Variants in PIP4K2A observed in about 807,000 individuals in gnomAD.
PIP4K2A encodes the protein phosphatidylinositol-5-phosphate 4-kinase type 2 alpha.
Under a neutral mutation model 42.9 loss-of-function variants are expected in PIP4K2A, and 14 were observed. The observed-to-expected ratio is 0.33, with a 90% CI of 0.22 to 0.51. PIP4K2A has a LOEUF of 0.51. Ranked by LOEUF, PIP4K2A falls within the 20% of genes least tolerant of loss-of-function variation. PIP4K2A has a pLI of 0.97. For synonymous variants in PIP4K2A, 192 were observed against 192.2 expected (o/e 1.00, Z 0.01); for missense variants, 434 against 519.8 (o/e 0.83, Z 1.61).
intron 4 of PIP4K2A, among the ~76,000 whole-genome samples, chr10:22,585,406 G>GT (rs1449932234): frequency 7.2e-5 from 11 of 152,140 alleles, no homozygotes; most frequent in Non-Finnish European, 1.6e-4. Flanking sequence ...AATTTAAGTC[G>GT]TTTTTTATCA....
intron 1 of PIP4K2A, among the ~76,000 whole-genome samples, chr10:22,700,887 G>C (rs879328402): frequency 6.6e-6 from 1 of 152,088 alleles, no homozygotes; most frequent in Non-Finnish European, 1.5e-5. Flanking sequence ...ACAAACAAAA[G>C]TAATTTAAAT....
At chr10:22,544,536 G>A (rs1265879104) in intron 7 of PIP4K2A, among the ~76,000 whole-genome samples, 4 of 152,146 alleles carry the variant, frequency 2.6e-5, no homozygotes, top group East Asian at 1.9e-4. Flanking sequence ...GGCCCTGCTC[G>A]GCTTGAGAGG....
At chr10:22,557,039 G>GT (rs1419568734) in intron 6 of PIP4K2A, among the ~76,000 whole-genome samples, 3 of 152,142 alleles carry the variant, frequency 2.0e-5, no homozygotes, top group African/African-American at 7.2e-5. Context: ...CAACACACGC[G>GT]TAAGGCTTTC....
At chr10:22,654,990 C>T (rs1839070426) in intron 1 of PIP4K2A, among the ~76,000 whole-genome samples, 1 of 152,018 alleles carries the variant, frequency 6.6e-6, no homozygotes, top group Non-Finnish European at 1.5e-5. Context: ...ACCTATAATC[C>T]CTACTTTAGA....
chr10:22,658,976 T>C (rs1056258992), intron 1 of PIP4K2A, among the ~76,000 whole-genome samples: 3 of 152,198 alleles, frequency 2.0e-5, no homozygotes, highest in Non-Finnish European at 1.5e-5. Context: ...TCCAGGCCCC[T>C]TGGGGCAGCT....
intron 4 of PIP4K2A, among the ~76,000 whole-genome samples, chr10:22,590,386 T>A (rs553062045): frequency 6.6e-6 from 1 of 152,310 alleles, no homozygotes; most frequent in Non-Finnish European, 1.5e-5. Flanking sequence ...ACTTAGTTGT[T>A]ACGTTATTTT....
At chr10:22,686,040 G>C (rs1007368450) in intron 1 of PIP4K2A, among the ~76,000 whole-genome samples, 2 of 152,118 alleles carry the variant, frequency 1.3e-5, no homozygotes, top group African/African-American at 4.8e-5. Flanking sequence ...GAGTAATACT[G>C]GGCGTGTCAA....
chr10:22,693,213 A>T (rs1459357520), intron 1 of PIP4K2A, among the ~76,000 whole-genome samples: 2 of 152,136 alleles, frequency 1.3e-5, no homozygotes, highest in Non-Finnish European at 2.9e-5. Context: ...TTCCAATGTC[A>T]ATTTCCTTAA....
intron 5 of PIP4K2A, among the ~76,000 whole-genome samples, chr10:22,572,116 GT>G (rs1402302219): frequency 6.6e-6 from 1 of 152,162 alleles, no homozygotes; most frequent in Non-Finnish European, 1.5e-5. Context: ...GCGTGAAAGC[GT>G]TGAGACCAAA....
intron 1 of PIP4K2A, among the ~76,000 whole-genome samples, chr10:22,643,809 C>A (rs1838828018): frequency 6.6e-6 from 1 of 151,994 alleles, no homozygotes; most frequent in Admixed American, 6.6e-5. Flanking sequence ...CAATCCCACA[C>A]CCCCATTCCC....
At chr10:22,658,576 T>C (rs148471427) in intron 1 of PIP4K2A, among the ~76,000 whole-genome samples, 63 of 152,358 alleles carry the variant, frequency 4.1e-4, no homozygotes, top group African/African-American at 1.3e-3. Context: ...AATTAGAAGC[T>C]ATTCTATACC....
chr10:22,555,177 C>A (rs533699439), intron 6 of PIP4K2A, among the ~76,000 whole-genome samples: 1 of 152,130 alleles, frequency 6.6e-6, no homozygotes, highest in African/African-American at 2.4e-5. Flanking sequence ...CAGCTTTCCA[C>A]GTAGGAGACA....
chr10:22,676,395 T>C (rs945972207), intron 1 of PIP4K2A, among the ~76,000 whole-genome samples: 2 of 152,206 alleles, frequency 1.3e-5, no homozygotes, highest in East Asian at 3.8e-4. Flanking sequence ...CCAGTCTTCA[T>C]CAGAATTTGT....
In PIP4K2A at chr10:22,641,206, T is replaced by C. The variant is rs1022034957; in HGVS notation, c.145-31489A>G. Among the ~76,000 whole-genome samples the C allele has an allele frequency of 1.3e-5, 2 of 152,122 alleles. 1 individual carries two copies. The highest frequency in any genetic ancestry group is 4.1e-4 in the South Asian group (2 of 4,826). On this transcript the variant is annotated intron_variant, in intron 1 of 9. Coordinates refer to ENST00000376573, the MANE Select transcript of PIP4K2A (RefSeq NM_005028.5). The stretch of plus-strand genomic sequence containing the variant: ...TAATCTAACCCCCTCATTTTATAAA[T>C]GAAGAGACTGAGGCCAAGGTCATTC...
chr10:22,705,426 T>TAAAAAAAA (rs150254345), intron 1 of PIP4K2A, among the ~76,000 whole-genome samples: 1 of 29,276 alleles, frequency 3.4e-5, no homozygotes, highest in African/African-American at 1.5e-4. Context: ...GTACCCCAGT[T>TAAAAAAAA]AAAAAAAAAA....
intron 1 of PIP4K2A, among the ~76,000 whole-genome samples, chr10:22,699,480 A>C (rs1361053798): frequency 6.6e-6 from 1 of 151,934 alleles, no homozygotes; most frequent in Non-Finnish European, 1.5e-5. Context: ...AACTGAACAC[A>C]CTAGATACCT....
chr10:22,709,433 T>C (rs1013261961), intron 1 of PIP4K2A, among the ~76,000 whole-genome samples: 4 of 152,192 alleles, frequency 2.6e-5, no homozygotes, highest in Non-Finnish European at 4.4e-5. Flanking sequence ...ACAAACCTTT[T>C]TTGCCAAATT....
At chr10:22,552,117 C>A (rs796945147) in intron 6 of PIP4K2A, among the ~76,000 whole-genome samples, 1 of 152,252 alleles carries the variant, frequency 6.6e-6, no homozygotes, top group African/African-American at 2.4e-5. Context: ...TACAGCAAGG[C>A]CCAGAAATGT....
In PIP4K2A at chr10:22,609,557, A is replaced by G; in HGVS notation, c.242+63T>C. On this transcript the variant is annotated intron_variant, in intron 2 of 9. Transcript: ENST00000376573. ...ATTGACAAATTATGTGATTACAAAAATTCACAAAACTTGTACTCCTAGCAG... is the reference window on the plus strand; with the variant it reads ...ATTGACAAATTATGTGATTACAAAAGTTCACAAAACTTGTACTCCTAGCAG... 6.6e-6 allele frequency: 6 copies of G among 915,934 alleles called. No homozygotes were observed. In the South Asian group the frequency reaches 8.2e-5, roughly 12 times the overall value. The allele number at this position is 915,934 out of a possible 1,614,324, so 56.7% of individuals were successfully genotyped here. A position where few individuals can be genotyped will look rare whatever the true frequency, so the allele number is the denominator to read the frequency against.
Sources: gnomAD v4.1 joint callset for allele counts (sites outside exome capture counted in the v4.1 genomes callset) on GRCh38, gnomAD v4.1.1 for gene constraint, MANE v1.5 for transcripts, NCBI Gene and HGNC (gene_info 2026-07-23, HGNC 2026-07-21) for gene names.